Variants in MKLN1 observed in about 807,000 individuals in gnomAD.
MKLN1 encodes muskelin.
Under a neutral mutation model 99.0 loss-of-function variants are expected in MKLN1, and 18 were observed. That is an observed-to-expected ratio of 0.18 (90% CI 0.13 to 0.27). MKLN1 has a LOEUF of 0.27. MKLN1 is among the 10% of genes least tolerant of loss of function. The pLI is 1.00. For missense variants in MKLN1, 621 were observed against 875.9 expected, an observed-to-expected ratio of 0.71 and a Z score of 3.67; for synonymous variants, 288 against 293.2, an observed-to-expected ratio of 0.98 and a Z score of 0.18.
chr7:131,313,082 C>T (rs1164039403), intron 3 of MKLN1, among the ~76,000 whole-genome samples: 1 of 152,200 alleles, frequency 6.6e-6, no homozygotes, highest in African/African-American at 2.4e-5. Flanking sequence ...TTAGCAGAGA[C>T]AGTATAAACC....
In MKLN1 at chr7:131,172,206, A is replaced by G. The variant is rs1248582272; in HGVS notation, c.-297+29265A>G. On this transcript the variant is annotated intron_variant, in intron 2 of 7. Transcript: ENST00000416992. ...CCCAGGCTGGAGGGCAGTGACACGA[A>G]CTCGGCTCACTGCAAGCTCTGACTC... Among the ~76,000 whole-genome samples, 8 of 150,836 alleles carry G rather than the reference A, an allele frequency of 5.3e-5. No individual in the cohort carries two copies. The East Asian group carries it at 1.6e-3, about 29-fold the overall frequency.
intron 3 of MKLN1, among the ~76,000 whole-genome samples, chr7:131,307,852 C>T (rs997098925): frequency 9.2e-5 from 14 of 152,130 alleles, no homozygotes; most frequent in East Asian, 3.9e-4. Flanking sequence ...ATAGGACTTT[C>T]GGTGGCTGTT....
At chr7:131,114,906 A>G (rs1795251678) in intron 1 of MKLN1, among the ~76,000 whole-genome samples, 1 of 152,124 alleles carries the variant, frequency 6.6e-6, no homozygotes. Flanking sequence ...ACTGCACTCC[A>G]GCCTGGGCAA....
chr7:131,270,628 T>C (rs1367942600), intron 3 of MKLN1, among the ~76,000 whole-genome samples: 1 of 152,214 alleles, frequency 6.6e-6, no homozygotes, highest in African/African-American at 2.4e-5. Context: ...ATTCATCTAT[T>C]TATTCATTTC....
intron 1 of MKLN1, among the ~76,000 whole-genome samples, chr7:131,373,360 A>G (rs936573820): frequency 1.3e-5 from 2 of 152,004 alleles, no homozygotes; most frequent in Non-Finnish European, 2.9e-5. Context: ...TTAAATATTC[A>G]AATTTTAATT....
At chr7:131,415,643 T>C (rs1378781055) in intron 8 of MKLN1, among the ~76,000 whole-genome samples, 1 of 152,228 alleles carries the variant, frequency 6.6e-6, no homozygotes, top group African/African-American at 2.4e-5. Context: ...ATTCACTTTC[T>C]TAATTTTGGT....
intron 3 of MKLN1, among the ~76,000 whole-genome samples, chr7:131,241,479 G>A (rs1220581204): frequency 6.6e-6 from 1 of 151,732 alleles, no homozygotes; most frequent in Admixed American, 6.6e-5. Flanking sequence ...GGCCAAGGTG[G>A]GAGAATTATT....
intron 10 of MKLN1, among the ~76,000 whole-genome samples, chr7:131,443,214 A>G (rs1795893833): frequency 6.6e-6 from 1 of 152,222 alleles, no homozygotes; most frequent in South Asian, 2.1e-4. Context: ...CGCCTCATGT[A>G]TCATTGGTTG....
chr7:131,465,137 G>A (rs932483180), intron 14 of MKLN1, among the ~76,000 whole-genome samples: 2 of 152,068 alleles, frequency 1.3e-5, no homozygotes, highest in Non-Finnish European at 2.9e-5. Flanking sequence ...CCATAGGATA[G>A]AGATAATAAC....
At chr7:131,393,594 G>GC (rs1422782715) in intron 4 of MKLN1, among the ~76,000 whole-genome samples, 1 of 151,856 alleles carries the variant, frequency 6.6e-6, no homozygotes, top group East Asian at 1.9e-4. Flanking sequence ...AAATTTCACT[G>GC]CAAGTGTTTT....
intron 3 of MKLN1, among the ~76,000 whole-genome samples, chr7:131,319,105 G>A (rs2398767): frequency 0.45 from 68,152 of 151,950 alleles, 16,790 homozygotes; most frequent in Admixed American, 0.59. Context: ...TGAGGCCAGC[G>A]TCCTCCTGAT....
chr7:131,166,958 T>C (rs1200257150), intron 2 of MKLN1, among the ~76,000 whole-genome samples: 1 of 152,152 alleles, frequency 6.6e-6, no homozygotes, highest in Non-Finnish European at 1.5e-5. Context: ...CCCAAAATGC[T>C]GGGATTACAG....
At chr7:131,428,973 T>G (rs894159521) in intron 8 of MKLN1, 60 bp from the exon 9 acceptor site, 3 of 1,366,238 alleles carry the variant, frequency 2.2e-6, no homozygotes, top group African/African-American at 2.9e-5. Flanking sequence ...CTGGCTAGGT[T>G]TGGGTGCTTA....
intron 2 of MKLN1, among the ~76,000 whole-genome samples, chr7:131,155,778 A>G (rs1233906692): frequency 6.6e-6 from 1 of 152,220 alleles, no homozygotes; most frequent in Non-Finnish European, 1.5e-5. Context: ...CATTAAAGTC[A>G]TACAGCTACT....
chr7:131,277,701 C>A (rs1797994986), intron 3 of MKLN1, among the ~76,000 whole-genome samples: 1 of 152,010 alleles, frequency 6.6e-6, no homozygotes, highest in Non-Finnish European at 1.5e-5. Context: ...CAGGCGTGAG[C>A]CATGGTGCCT....
intron 12 of MKLN1, among the ~76,000 whole-genome samples, chr7:131,456,129 A>G (rs749734559): frequency 1.1e-4 from 16 of 152,080 alleles, no homozygotes; most frequent in African/African-American, 1.4e-4. Context: ...ATCAGTACAG[A>G]AAACTATTAA....
chr7:131,285,774 A>G (rs1471717680), intron 3 of MKLN1, among the ~76,000 whole-genome samples: 1 of 152,168 alleles, frequency 6.6e-6, no homozygotes, highest in Non-Finnish European at 1.5e-5. Context: ...TGCCTGATGC[A>G]GTCTTAAGAG....
At chr7:131,140,598 C>T (rs944908148) in intron 1 of MKLN1, among the ~76,000 whole-genome samples, 1 of 152,190 alleles carries the variant, frequency 6.6e-6, no homozygotes, top group Non-Finnish European at 1.5e-5. Context: ...CATGCCTGGT[C>T]CCCTTCACCT....
At chr7:131,156,831 G>T (rs1278161322) in intron 2 of MKLN1, among the ~76,000 whole-genome samples, 1 of 152,182 alleles carries the variant, frequency 6.6e-6, no homozygotes, top group African/African-American at 2.4e-5. Context: ...TGTATTCATA[G>T]GCACTGTTTT....
Sources: allele counts gnomAD v4.1 joint callset (sites outside exome capture counted in the v4.1 genomes callset), GRCh38; gene constraint gnomAD v4.1.1; transcripts MANE v1.5; gene names NCBI Gene and HGNC (gene_info 2026-07-23, HGNC 2026-07-21).